Variants in NANS observed in about 807,000 individuals in gnomAD.
The protein encoded by NANS is N-acetylneuraminate-9-phosphate synthase.
NANS carries 29 observed loss-of-function variants against 33.3 expected under a neutral mutation model. That is an observed-to-expected ratio of 0.87 (90% confidence interval 0.65 to 1.19). NANS has a LOEUF of 1.19. Ranked by LOEUF, NANS falls within the 50% of genes most tolerant of loss-of-function variation. The pLI is 0.00. For missense variants in NANS, 394 were observed against 461.1 expected, an observed-to-expected ratio of 0.85 and a Z score of 1.33; for synonymous variants, 163 against 177.2, an observed-to-expected ratio of 0.92 and a Z score of 0.64.
At chr9:98,065,308 CTTTTTTTTTTTT>C (rs758040892) in intron 2 of NANS, among the ~76,000 whole-genome samples, 4 of 92,764 alleles carry the variant, frequency 4.3e-5, no homozygotes, top group African/African-American at 2.0e-4. Context: ...ACTCCTGGTG[CTTTTTTTTTTTT>C]TTTTTTTTTG....
At chr9:98,062,969 C>G (rs1225033071) in intron 2 of NANS, among the ~76,000 whole-genome samples, 1 of 151,890 alleles carries the variant, frequency 6.6e-6, no homozygotes, top group Non-Finnish European at 1.5e-5. Flanking sequence ...TGGAGTCTCA[C>G]TCTGTCACCC....
chr9:98,064,200 CAT>C (rs1829067499), intron 2 of NANS, among the ~76,000 whole-genome samples: 1 of 152,196 alleles, frequency 6.6e-6, no homozygotes, highest in South Asian at 2.1e-4. Context: ...TAATTCACAG[CAT>C]TCGTACGCAT....
chr9:98,061,663 C>T (rs1198754846), intron 2 of NANS, among the ~76,000 whole-genome samples: 1 of 149,526 alleles, frequency 6.7e-6, no homozygotes, highest in Non-Finnish European at 1.5e-5. Flanking sequence ...GTCTGTAGTC[C>T]CAGCTACTTG....
chr9:98,071,865 T>C (rs1350677170), intron 2 of NANS, among the ~76,000 whole-genome samples: 1 of 152,210 alleles, frequency 6.6e-6, no homozygotes, highest in African/African-American at 2.4e-5. Flanking sequence ...AGCTCCTGGA[T>C]CTGACCTAGG....
At chr9:98,073,271 CTTTTTTTTTTTTTTT>C (rs10606237) in intron 2 of NANS, among the ~76,000 whole-genome samples, 34 of 57,848 alleles carry the variant, frequency 5.9e-4, no homozygotes, top group East Asian at 2.1e-3. Flanking sequence ...TCACCATGGG[CTTTTTTTTTTTTTTT>C]TTTTTTTTTT....
At chr9:98,060,170 T>C (rs902549655) in intron 1 of NANS, among the ~76,000 whole-genome samples, 2 of 152,018 alleles carry the variant, frequency 1.3e-5, no homozygotes, top group African/African-American at 2.4e-5. Flanking sequence ...CTTCCTTAAC[T>C]CTTTGATCCA....
rs1389091035 is a variant in NANS, at chr9:98,057,082, C to T, written c.132+142C>T. ...GCCCGCCAGTTCCGTTTTCGGAATC[C>T]TTCGGATCCCTCTTCCTCACCGTGT... is the stretch of plus-strand genomic sequence containing the variant. On this transcript the variant is annotated intron_variant, in intron 1 of 5. Transcript: ENST00000210444. The T allele has an allele frequency of 1.2e-5, 14 of 1,210,292 alleles. No individual in the cohort carries two copies. In the South Asian group the frequency reaches 2.1e-4, roughly 18 times the overall value. 75.0% of individuals were successfully genotyped at this position (1,210,292 alleles called of 1,614,324 possible).
intron 5 of NANS, 83 bp downstream of exon 5, chr9:98,081,165 G>T: frequency 1.9e-6 from 3 of 1,546,960 alleles, no homozygotes; most frequent in Non-Finnish European, 2.6e-6. Flanking sequence ...GTCAGGACCA[G>T]CCCTCCCTGA....
At chr9:98,079,291 A>G (rs1021802275) in intron 4 of NANS, among the ~76,000 whole-genome samples, 9 of 152,228 alleles carry the variant, frequency 5.9e-5, no homozygotes, top group African/African-American at 1.9e-4. Context: ...ATTCGAAAAT[A>G]TGTATGTAAT....
At chr9:98,072,312 C>G (rs78038938) in intron 2 of NANS, among the ~76,000 whole-genome samples, 1 of 152,194 alleles carries the variant, frequency 6.6e-6, no homozygotes, top group Non-Finnish European at 1.5e-5. Context: ...GTTTTTCTGC[C>G]TCAGCCTATT....
chr9:98,064,034 G>C (rs780980670), intron 2 of NANS, among the ~76,000 whole-genome samples: 4 of 152,116 alleles, frequency 2.6e-5, no homozygotes, highest in Non-Finnish European at 5.9e-5. Context: ...CACTTTTCCA[G>C]TTCTAAAACA....
chr9:98,077,126 CTCTTT>C, intron 3 of NANS, 109 bp downstream of exon 3: 1 of 829,968 alleles, frequency 1.2e-6, no homozygotes, highest in Non-Finnish European at 1.8e-6. Flanking sequence ...AAATTTTAGC[CTCTTT>C]TCATTTTTTT....
At chr9:98,057,681 C>T (rs1024990872) in intron 1 of NANS, among the ~76,000 whole-genome samples, 1 of 152,090 alleles carries the variant, frequency 6.6e-6, no homozygotes, top group African/African-American at 2.4e-5. Context: ...TTGGGACTGC[C>T]ATATTCTTCA....
chr9:98,063,055 G>T (rs572219832), intron 2 of NANS, among the ~76,000 whole-genome samples: 164 of 151,698 alleles, frequency 1.1e-3, no homozygotes, highest in Non-Finnish European at 1.4e-3. Context: ...TCCTGTCTCA[G>T]TCTCCCAAGT....
In NANS at chr9:98,082,023, C is replaced by T. The variant is rs142468695; in HGVS notation, c.871-823C>T. The T allele has an allele frequency of 3.3e-5, 5 of 152,226 alleles. No homozygotes were observed. The East Asian group carries it at 7.7e-4, about 24-fold the overall frequency. The allele number at this position is 152,226 out of a possible 1,614,324, so 9.4% of individuals were successfully genotyped here. On this transcript the variant is annotated intron_variant, in intron 5 of 5. Transcript: ENST00000210444. ...CATGATTATCACTTGACATTTTTTC[C>T]TGGCACCACATTCCAAGCAGAATTG...
At chr9:98,076,115 G>A (rs988229173) in intron 2 of NANS, 1 of 152,162 alleles carries the variant, frequency 6.6e-6, no homozygotes, top group Non-Finnish European at 1.5e-5. Context: ...AAGGGCTCGG[G>A]TTGAATGGGC....
intron 4 of NANS, among the ~76,000 whole-genome samples, chr9:98,079,505 ACT>A (rs1411185728): frequency 2.6e-5 from 4 of 151,848 alleles, no homozygotes; most frequent in Admixed American, 6.6e-5. Flanking sequence ...AACTGACATT[ACT>A]CTCTTTTTAC....
intron 4 of NANS, among the ~76,000 whole-genome samples, chr9:98,079,875 TG>T (rs1218825580): frequency 6.6e-6 from 1 of 152,220 alleles, no homozygotes; most frequent in East Asian, 1.9e-4. Flanking sequence ...CCCTTAAGCC[TG>T]GTTTTCAAGG....
Position 98,078,350 on chromosome 9 carries a change from G to A in NANS, c.603+3G>A, listed in dbSNP as rs1323960172. On this transcript the variant is annotated splice_donor_region_variant and intron_variant, in intron 4 of 5. Transcript: ENST00000210444. ...ACGTCAACCTGCGGGTCATCTCGGTGAGCAGGAGGGAGGGGGTTCCCTTCT... is the reference window on the plus strand; with the variant it reads ...ACGTCAACCTGCGGGTCATCTCGGTAAGCAGGAGGGAGGGGGTTCCCTTCT... 1.8e-5 allele frequency: 29 copies of A among 1,613,346 alleles called. No individual in the cohort carries two copies. The highest frequency in any genetic ancestry group is 2.2e-5 in the East Asian group (1 of 44,886).
Sources: gnomAD v4.1 joint callset for allele counts (sites outside exome capture counted in the v4.1 genomes callset) on GRCh38, gnomAD v4.1.1 for gene constraint, MANE v1.5 for transcripts, NCBI Gene and HGNC (gene_info 2026-07-23, HGNC 2026-07-21) for gene names.